Variants in GDA observed in about 807,000 individuals in gnomAD.
GDA encodes guanine deaminase, also known as cytoplasmic PSD-95 interactor.
A neutral mutation model predicts 59.6 loss-of-function variants in GDA; 18 were observed. The observed-to-expected ratio is 0.30, with a 90% confidence interval of 0.21 to 0.45. The LOEUF (loss-of-function observed/expected upper bound fraction) is 0.45. GDA is among the 20% of genes least tolerant of loss of function. The probability of loss-of-function intolerance (pLI) is 1.00; values close to 1 mark genes in which losing one functional copy is unlikely to be tolerated. For synonymous variants in GDA, 201 were observed against 201.1 expected (o/e 1.00, Z 0.00); for missense variants, 427 against 552.3 (o/e 0.77, Z 2.27).
At chr9:72,141,764 T>A (rs922995548) in intron 1 of GDA, among the ~76,000 whole-genome samples, 6 of 152,168 alleles carry the variant, frequency 3.9e-5, no homozygotes, top group African/African-American at 1.2e-4. Flanking sequence ...TTAATAACCT[T>A]GGGAAAAACC....
rs1830515077 is a variant in GDA, at chr9:72,176,094, C to A, written c.124-19406C>A. ...AGCTCAGGAGGTAAGAGGTCCCAGGCAAGATGTCAGTGAGTTCTTCAGTCA... is the reference window on the plus strand; with the variant it reads ...AGCTCAGGAGGTAAGAGGTCCCAGGAAAGATGTCAGTGAGTTCTTCAGTCA... On this transcript the variant is annotated intron_variant, in intron 1 of 13. Transcript: ENST00000358399. Among the ~76,000 whole-genome samples the A allele has an allele frequency of 2.6e-5, 4 of 152,258 alleles. No homozygotes were observed. The South Asian group carries it at 6.2e-4, about 24-fold the overall frequency.
At chr9:72,238,003 T>C (rs748906896) in intron 10 of GDA, among the ~76,000 whole-genome samples, 1 of 152,082 alleles carries the variant, frequency 6.6e-6, no homozygotes, top group African/African-American at 2.4e-5. Flanking sequence ...AGAATCACAA[T>C]GAAAATCTGA....
At chr9:72,173,537 G>T (rs919401898) in intron 1 of GDA, among the ~76,000 whole-genome samples, 2 of 151,788 alleles carry the variant, frequency 1.3e-5, no homozygotes, top group African/African-American at 2.4e-5. Flanking sequence ...CACCATGTTG[G>T]CTAGGCTGGT....
intron 1 of GDA, among the ~76,000 whole-genome samples, chr9:72,133,305 A>ATAATAATAAT (rs1293322271): frequency 0.023 from 3,006 of 131,456 alleles, 46 homozygotes; most frequent in South Asian, 0.068. Flanking sequence ...AAAAAAAAAA[A>ATAATAATAAT]AAAAATAATA....
At chr9:72,185,055 A>G (rs1265080595) in intron 1 of GDA, among the ~76,000 whole-genome samples, 1 of 152,250 alleles carries the variant, frequency 6.6e-6, no homozygotes, top group Non-Finnish European at 1.5e-5. Context: ...TGCAAGTTTC[A>G]GTTCCTGTAA....
chr9:72,134,831 G>A (rs1393678269), intron 1 of GDA, among the ~76,000 whole-genome samples: 1 of 152,224 alleles, frequency 6.6e-6, no homozygotes, highest in Non-Finnish European at 1.5e-5. Flanking sequence ...AGAAGTAGAA[G>A]AGCTTCCACT....
intron 1 of GDA, among the ~76,000 whole-genome samples, chr9:72,170,737 A>T (rs1358074772): frequency 1.3e-5 from 2 of 152,210 alleles, no homozygotes; most frequent in South Asian, 4.1e-4. Context: ...GTACCGGCCC[A>T]TGATAGGTGA....
chr9:72,257,932 GA>G (rs77904666), downstream of GDA: 6,961 of 98,378 alleles, frequency 0.071, 195 homozygotes, highest in African/African-American at 0.13. Context: ...ACCTAGTCTC[GA>G]AAAAAAAAAA....
intron 9 of GDA, among the ~76,000 whole-genome samples, chr9:72,230,502 A>T (rs993788081): frequency 3.6e-5 from 5 of 137,410 alleles, no homozygotes; most frequent in African/African-American, 1.4e-4. Flanking sequence ...AAAAAAAAAA[A>T]TATATATATA....
intron 1 of GDA, 39 bp downstream of exon 1, chr9:72,149,721 GAGGATAGGTGCA>G: frequency 6.4e-7 from 1 of 1,559,000 alleles, no homozygotes; most frequent in Non-Finnish European, 8.7e-7. Context: ...CGACGGGCGG[GAGGATAGGTGCA>G]AGGAACCTGG....
rs140630344 is a variant in GDA, at chr9:72,174,698, G to A, written c.124-20802G>A. ...GAGGTACACAGCTTGATGGTAGGCC[G>A]GGTCTGTTGGGAACTGTTGAGGTTA... On this transcript the variant is annotated intron_variant, in intron 1 of 13. Coordinates refer to ENST00000358399, the MANE Select transcript of GDA (RefSeq NM_004293.5). 3.4e-3 allele frequency among the ~76,000 whole-genome samples: 513 copies of A among 151,966 alleles called. 3 individuals carry two copies. Among genetic ancestry groups the A allele is most frequent in the African/African-American group, 0.012 (494 of 41,418 alleles).
intron 11 of GDA, 66 bp downstream of exon 11, chr9:72,241,364 G>A: frequency 8.5e-7 from 1 of 1,179,806 alleles, no homozygotes; most frequent in East Asian, 2.4e-5. Flanking sequence ...TTTGGATGTA[G>A]TATGAAGATG....
chr9:72,195,685 T>C, intron 2 of GDA, 97 bp downstream of exon 2: 1 of 426,310 alleles, frequency 2.3e-6, no homozygotes, highest in Non-Finnish European at 4.3e-6. Context: ...AAAAATAATA[T>C]TAATTTAACA....
At chr9:72,163,459 G>A (rs1828902569) in intron 1 of GDA, among the ~76,000 whole-genome samples, 1 of 151,718 alleles carries the variant, frequency 6.6e-6, no homozygotes, top group South Asian at 2.1e-4. Flanking sequence ...GAGCTGGCAA[G>A]TTTTGATTGG....
chr9:72,119,729 A>C (rs1825595316), intron 1 of GDA, among the ~76,000 whole-genome samples: 1 of 152,122 alleles, frequency 6.6e-6, no homozygotes, highest in African/African-American at 2.4e-5. Context: ...TTTTCATTTG[A>C]TTACTCCTAA....
upstream of GDA, among the ~76,000 whole-genome samples, chr9:72,147,830 G>A (rs567287550): frequency 6.6e-6 from 1 of 152,316 alleles, no homozygotes; most frequent in African/African-American, 2.4e-5. Flanking sequence ...AGGGAGTGCA[G>A]TTGGCAGAAT....
intron 10 of GDA, among the ~76,000 whole-genome samples, chr9:72,232,596 A>T (rs1473164256): frequency 6.6e-6 from 1 of 152,234 alleles, no homozygotes; most frequent in Non-Finnish European, 1.5e-5. Flanking sequence ...GTCAGTTAAT[A>T]TGAAAAATTT....
rs992028071 is a variant in GDA at position 72,156,323 on chromosome 9, G to A, written c.123+6641G>A. Among the ~76,000 whole-genome samples the A allele has an allele frequency of 4.6e-5, 7 of 152,178 alleles. No homozygotes were observed. The East Asian group carries it at 1.3e-3, about 29-fold the overall frequency. On this transcript the variant is annotated intron_variant, in intron 1 of 13. Coordinates refer to ENST00000358399, the MANE Select transcript of GDA (RefSeq NM_004293.5). The stretch of plus-strand genomic sequence containing the variant: ...CAGTTCTGAAGACTGCTGGGAGGAG[G>A]AAGAGTTCTTTCTCACCTGAGGCTA...
In GDA at chr9:72,137,234, CTTTTTTTCTTTTTTTTTTTTT is replaced by C. The variant is rs1447463992; in HGVS notation, c.-100+22409_-100+22429del. 6.4e-5 allele frequency among the ~76,000 whole-genome samples: 6 copies of C among 93,418 alleles called. No individual in the cohort carries two copies. The Admixed American group carries it at 7.9e-4, about 12-fold the overall frequency. The allele number at this position is 93,418 out of a possible 152,430, so 61.3% of individuals were successfully genotyped here. ...AAAAAAAAAAAATTAGGATCCTTTTCTTTTTTTCTTTTTTTTTTTTTTTTTTTTTGAGACGGAGTCTCACTC... is the reference window on the plus strand; with the variant it reads ...AAAAAAAAAAAATTAGGATCCTTTTCTTTTTTTTGAGACGGAGTCTCACTC... On this transcript the variant is annotated intron_variant, in intron 1 of 13. Coordinates refer to the GDA transcript ENST00000545168.
Sources: allele counts gnomAD v4.1 joint callset (sites outside exome capture counted in the v4.1 genomes callset), GRCh38; gene constraint gnomAD v4.1.1; transcripts MANE v1.5; gene names NCBI Gene and HGNC (gene_info 2026-07-23, HGNC 2026-07-21).